The following C3 variants were observed in gnomAD, a reference collection of about 807,000 sequenced individuals.
C3 encodes the protein C3 and PZP-like alpha-2-macroglobulin domain-containing protein 1.
A neutral mutation model predicts 207.9 loss-of-function variants in C3; 97 were observed. The ratio of observed to expected loss-of-function variants is 0.47; its 90% confidence interval spans 0.40 to 0.55. The LOEUF (loss-of-function observed/expected upper bound fraction) is 0.55. Ranked by LOEUF, C3 falls within the 20% of genes least tolerant of loss-of-function variation. The pLI is 0.00. For missense variants in C3, 1,684 were observed against 2,171.7 expected, an observed-to-expected ratio of 0.78 and a Z score of 4.46; for synonymous variants, 848 against 857.6, an observed-to-expected ratio of 0.99 and a Z score of 0.20.
chr19:6,688,909 G>A (rs1918082594), intron 27 of C3, among the ~76,000 whole-genome samples: 1 of 152,156 alleles, frequency 6.6e-6, no homozygotes, highest in Non-Finnish European at 1.5e-5. Flanking sequence ...GACCCAGGCT[G>A]AGCCAATCAG....
intron 24 of C3, 125 bp downstream of exon 24, chr19:6,694,306 G>C: frequency 1.2e-6 from 1 of 805,210 alleles, no homozygotes; most frequent in Non-Finnish European, 2.1e-6. Flanking sequence ...TCAAATGAGG[G>C]GAGTGGCTAG....
intron 7 of C3, 89 bp from the exon 8 acceptor site, chr19:6,713,598 G>A: frequency 9.6e-7 from 1 of 1,039,982 alleles, no homozygotes; most frequent in Non-Finnish European, 1.5e-6. Context: ...GAAGACTGGA[G>A]CCCCCAACCC....
At chr19:6,708,518 T>C (rs1967834010) in intron 14 of C3, among the ~76,000 whole-genome samples, 2 of 149,600 alleles carry the variant, frequency 1.3e-5, no homozygotes, top group Non-Finnish European at 3.0e-5. Flanking sequence ...CCTCCATTCC[T>C]CCTTTCCTCC....
chr19:6,679,246 C>T, intron 37 of C3, 38 bp from the exon 38 acceptor site: 1 of 1,577,234 alleles, frequency 6.3e-7, no homozygotes. Context: ...AAGTCCCACT[C>T]CTTATCTGGG....
In C3 at chr19:6,677,833, C is replaced by T. The variant is rs113074880; in HGVS notation, c.*49G>A. 2 of 1,610,308 alleles carry T rather than the reference C, an allele frequency of 1.2e-6. No homozygotes were observed. Among genetic ancestry groups the T allele is most frequent in the East Asian group, 2.2e-5 (1 of 44,846 alleles). On this transcript the variant is annotated 3_prime_UTR_variant, in exon 41 of 41. Transcript: ENST00000245907. Reference sequence around the variant, plus strand: ...CCCTCTTGGCAAAGAACTCCAGACACGTGAGATATAACTGAAGCTTTATCT... The same window carrying T: ...CCCTCTTGGCAAAGAACTCCAGACATGTGAGATATAACTGAAGCTTTATCT...
chr19:6,720,235 G>C (rs374269880), intron 1 of C3, among the ~76,000 whole-genome samples: 2 of 150,846 alleles, frequency 1.3e-5, no homozygotes, highest in South Asian at 4.2e-4. Flanking sequence ...CCAATTCCAC[G>C]ATACCTGGAT....
chr19:6,678,377 T>C lies in C3; in HGVS notation c.4709A>G (p.Lys1570Arg). ...EYIMAIEQTI[K>R]SGSDEVQVGQ... is the part of the protein sequence containing the mutation. The stretch of plus-strand genomic sequence containing the variant: ...GGCAGCGTGCTGAGCCTGACCTGAC[T>C]TGATGGTCTGCTCAATGGCCATGAT... The change falls in exon 39 of 41, where the codon AAG becomes AGG. Residue 1570 changes from lysine (K) to arginine (R), a missense_variant. Lys to Arg is a conservative substitution (Grantham distance 26). Around this residue, in one of 3 missense-constraint regions of C3, gnomAD observed 346 missense variants for 380.1 expected, o/e 0.91. Coordinates refer to ENST00000245907, the MANE Select transcript of C3 (RefSeq NM_000064.4). 6.2e-7 allele frequency: 1 copy of C among 1,614,102 alleles called. No individual in the cohort carries two copies. The highest frequency in any genetic ancestry group is 8.5e-7 in the Non-Finnish European group (1 of 1,179,972).
intron 17 of C3, among the ~76,000 whole-genome samples, chr19:6,705,614 G>T (rs1967757728): frequency 6.6e-6 from 1 of 151,518 alleles, no homozygotes; most frequent in Non-Finnish European, 1.5e-5. Flanking sequence ...CGCAAAGTGT[G>T]GGCATTACAG....
Position 6,677,862 on chromosome 19 carries a change from G to C in C3, c.*20C>G, listed in dbSNP as rs377116496. 2.5e-6 allele frequency: 4 copies of C among 1,613,660 alleles called. No homozygotes were observed. In the African/African-American group the frequency reaches 5.3e-5, roughly 22 times the overall value. On this transcript the variant is annotated 3_prime_UTR_variant, in exon 41 of 41. Coordinates refer to ENST00000245907, the MANE Select transcript of C3 (RefSeq NM_000064.4). Reference sequence around the variant, plus strand: ...AGATATAACTGAAGCTTTATCTGGAGTGGGGGAATGGGGGTGTGGTCAGTT... The same window carrying C: ...AGATATAACTGAAGCTTTATCTGGACTGGGGGAATGGGGGTGTGGTCAGTT...
chr19:6,707,409 G>C, intron 16 of C3, 57 bp downstream of exon 16: 1 of 1,606,282 alleles, frequency 6.2e-7, no homozygotes, highest in Non-Finnish European at 8.5e-7. Context: ...TGCACGGCCG[G>C]GCTGGGGTCT....
At position 6,686,493 on chromosome 19, in the gene C3, C is replaced by T. The variant is rs2241391; in HGVS notation, c.3647-206G>A. On this transcript the variant is annotated intron_variant, in intron 28 of 40. Coordinates refer to ENST00000245907, the MANE Select transcript of C3 (RefSeq NM_000064.4). ...CTCCCTTTGAAATGAATGCTTAATACGCATTTGTTGAATAAATGACGCAAC... is the reference window on the plus strand; with the variant it reads ...CTCCCTTTGAAATGAATGCTTAATATGCATTTGTTGAATAAATGACGCAAC... 23,808 of 708,672 alleles carry T rather than the reference C, an allele frequency of 0.034. 2,157 individuals carry two copies. Among genetic ancestry groups the T allele is most frequent in the African/African-American group, 0.25 (14,229 of 56,608 alleles). 43.9% of individuals were successfully genotyped at this position (708,672 alleles called of 1,614,324 possible).
At chr19:6,690,850 C>A in intron 26 of C3, 123 bp from the exon 27 acceptor site, 1 of 751,232 alleles carries the variant, frequency 1.3e-6, no homozygotes, top group Admixed American at 2.0e-5. Flanking sequence ...AGGTGTTACC[C>A]CGCTACCCTA....
chr19:6,680,061 C>T, intron 36 of C3, 97 bp downstream of exon 36: 1 of 787,068 alleles, frequency 1.3e-6, no homozygotes. Flanking sequence ...CCCTGGACTC[C>T]TTAGACCTTC....
intron 17 of C3, among the ~76,000 whole-genome samples, chr19:6,703,500 G>A (rs1051118266): frequency 2.0e-5 from 3 of 151,992 alleles, no homozygotes; most frequent in East Asian, 1.9e-4. Context: ...CCAGATACTC[G>A]GGAGGCTGAG....
rs1166286797 is a variant in C3, at chr19:6,684,577, T to C, written c.4103A>G (p.Lys1368Arg). ...CNKFDLKVTI[K>R]PAPETEKRPQ... is the part of the protein sequence containing the mutation. ...CCTTTTACCTGTTTCCGGTGCTGGT[T>C]TTATGGTGACCTTGAGGTCGAATTT... Residue 1368 changes from lysine to arginine, a missense_variant, in exon 32 of 41, where the codon AAA becomes AGA. By Grantham distance (26) the Lys-to-Arg change is conservative. This residue lies in a region of C3 where 346 missense variants were observed against 380.1 expected (regional missense o/e 0.91). Coordinates refer to ENST00000245907, the MANE Select transcript of C3 (RefSeq NM_000064.4). 1 of 1,613,886 alleles carries C rather than the reference T, an allele frequency of 6.2e-7. No homozygotes were observed. The highest frequency in any genetic ancestry group is 1.7e-5 in the Admixed American group (1 of 60,016).
chr19:6,708,379 C>T lies in C3; in HGVS notation c.1846-450G>A, dbSNP rs1599520161. 2.0e-5 allele frequency among the ~76,000 whole-genome samples: 3 copies of T among 152,096 alleles called. No individual in the cohort carries two copies. In the East Asian group the frequency reaches 5.8e-4, roughly 29 times the overall value. Reference sequence around the variant, plus strand: ...CTCGAACTCCTGACCTGAAATGATTCGCCTGTCTTGGCCTCCCAAAGTGCT... The same window carrying T: ...CTCGAACTCCTGACCTGAAATGATTTGCCTGTCTTGGCCTCCCAAAGTGCT... On this transcript the variant is annotated intron_variant, in intron 14 of 40. Transcript: ENST00000245907.
Position 6,700,537 on chromosome 19 carries a change from TATATATGTAATATATA to T in C3, c.2440+1574_2440+1589del, listed in dbSNP as rs1186499432. 2.5e-4 allele frequency among the ~76,000 whole-genome samples: 10 copies of T among 39,628 alleles called. 1 individual carries two copies. The highest frequency in any genetic ancestry group is 3.0e-4 in the Non-Finnish European group (8 of 26,608). The allele number at this position is 39,628 out of a possible 152,430, so 26.0% of individuals were successfully genotyped here. A position where few individuals can be genotyped will look rare whatever the true frequency, so the allele number is the denominator to read the frequency against. On this transcript the variant is annotated intron_variant, in intron 19 of 40. Coordinates refer to ENST00000245907, the MANE Select transcript of C3 (RefSeq NM_000064.4). ...ATATAATATATGTAATATGATATAT[TATATATGTAATATATA>T]ATATATGTAATATATGATATATTAT... is the stretch of plus-strand genomic sequence containing the variant.
At position 6,696,544 on chromosome 19, in the gene C3, C is replaced by T. The variant is rs1283032882; in HGVS notation, c.2863+49G>A. The T allele has an allele frequency of 7.5e-6, 12 of 1,603,466 alleles. 1 individual carries two copies. Among genetic ancestry groups the T allele is most frequent in the East Asian group, 2.2e-5 (1 of 44,816 alleles). ...ACCTCACTAAACCCAGGTCATTTACCCCCCTTACCCTGCCAGCCCCTCAGC... is the reference window on the plus strand; with the variant it reads ...ACCTCACTAAACCCAGGTCATTTACTCCCCTTACCCTGCCAGCCCCTCAGC... On this transcript the variant is annotated intron_variant, in intron 22 of 40. Coordinates refer to ENST00000245907, the MANE Select transcript of C3 (RefSeq NM_000064.4).
chr19:6,684,858 G>A, intron 30 of C3, 24 bp from the exon 31 acceptor site: 1 of 1,613,676 alleles, frequency 6.2e-7, no homozygotes. Flanking sequence ...AGAGAGAAGA[G>A]AGCATGTTGG....
Sources: allele counts gnomAD v4.1 joint callset (sites outside exome capture counted in the v4.1 genomes callset), GRCh38; gene constraint gnomAD v4.1.1; regional missense constraint gnomAD v4.1.1; transcripts MANE v1.5; gene names NCBI Gene and HGNC (gene_info 2026-07-23, HGNC 2026-07-21).